The following DOCK2 variants were observed in gnomAD, a reference collection of about 807,000 sequenced individuals.
DOCK2 encodes the protein dedicator of cytokinesis protein 2.
A neutral mutation model predicts 248.9 loss-of-function variants in DOCK2; 87 were observed. The ratio of observed to expected loss-of-function variants is 0.35; its 90% CI spans 0.29 to 0.42. The LOEUF (loss-of-function observed/expected upper bound fraction) is 0.42. DOCK2 is among the 10% of genes least tolerant of loss of function. The pLI is 1.00. For missense variants in DOCK2, 1,747 were observed against 2,300.2 expected (o/e 0.76, Z 4.92); for synonymous variants, 805 against 821.6 (o/e 0.98, Z 0.35).
chr5:169,637,828 T>C (rs1489290076), intron 1 of DOCK2, among the ~76,000 whole-genome samples: 1 of 152,088 alleles, frequency 6.6e-6, no homozygotes, highest in Non-Finnish European at 1.5e-5. Context: ...TCCTCCTGGG[T>C]CAGATGACTC....
chr5:169,874,644 A>G (rs938051843), intron 27 of DOCK2, among the ~76,000 whole-genome samples: 3 of 152,068 alleles, frequency 2.0e-5, no homozygotes, highest in African/African-American at 7.2e-5. Flanking sequence ...GGCCCACCAG[A>G]GGGCCGTTCT....
rs1245081456 is a variant in DOCK2, at chr5:169,764,297, C to CT, written c.2554+2676dup. On this transcript the variant is annotated intron_variant, in intron 25 of 51. Transcript: ENST00000520908. The surrounding 1 kb of genome is among the most constrained non-coding windows in gnomAD (Gnocchi z 4.3). The stretch of plus-strand genomic sequence containing the variant: ...GACATTAAGCGGAGGGACCAGAAGG[C>CT]TTTTAAGCACTTTCTGGGATTTTGG... Among the ~76,000 whole-genome samples, 1 of 152,190 alleles carries CT rather than the reference C, an allele frequency of 6.6e-6. No individual in the cohort carries two copies. Among genetic ancestry groups the CT allele is most frequent in the Non-Finnish European group, 1.5e-5 (1 of 68,046 alleles).
At chr5:169,776,456 C>T (rs10053260) in intron 25 of DOCK2, among the ~76,000 whole-genome samples, 30,750 of 152,012 alleles carry the variant, frequency 0.2, 3,633 homozygotes, top group Admixed American at 0.26. Context: ...TGAGCCACCA[C>T]ACTTGGCCTG....
At chr5:169,983,031 C>T in intron 27 of DOCK2, 37 bp from the exon 28 acceptor site, 1 of 1,608,986 alleles carries the variant, frequency 6.2e-7, no homozygotes, top group Middle Eastern at 1.7e-4. Flanking sequence ...ATGGTCCTCT[C>T]TCAACTATTT....
In DOCK2 at chr5:170,041,797, G is replaced by A. The variant is rs113666547; in HGVS notation, c.3757-216G>A. Among the ~76,000 whole-genome samples the A allele has an allele frequency of 9.0e-3, 1,374 of 152,316 alleles. 5 individuals carry two copies. The highest frequency in any genetic ancestry group is 0.065 in the Middle Eastern group (19 of 294). On this transcript the variant is annotated intron_variant, in intron 37 of 51. Transcript: ENST00000520908. Reference sequence around the variant, plus strand: ...CTTGGGACATTAGTGCTGCCTGGAGGGCAACCTCCAAATATCCTGAGTACT... The same window carrying A: ...CTTGGGACATTAGTGCTGCCTGGAGAGCAACCTCCAAATATCCTGAGTACT...
At chr5:169,718,079 CAAAA>C (rs1561632488) in intron 21 of DOCK2, among the ~76,000 whole-genome samples, 3 of 151,778 alleles carry the variant, frequency 2.0e-5, no homozygotes, top group African/African-American at 7.3e-5. Context: ...CAAAACAAAA[CAAAA>C]CAAAAACAGC....
Position 169,727,327 on chromosome 5 carries a change from G to A in DOCK2, c.2267+8536G>A, listed in dbSNP as rs185509189. Among the ~76,000 whole-genome samples the A allele has an allele frequency of 3.3e-5, 5 of 152,244 alleles. No individual in the cohort carries two copies. The East Asian group carries it at 7.7e-4, about 24-fold the overall frequency. On this transcript the variant is annotated intron_variant, in intron 22 of 51. Transcript: ENST00000520908. ...AAAAGAGAAAATGAGGCTCAGAAAGGTACAGAAAGTGACTCCAGGTCACAC... is the reference window on the plus strand; with the variant it reads ...AAAAGAGAAAATGAGGCTCAGAAAGATACAGAAAGTGACTCCAGGTCACAC...
At chr5:169,753,691 C>A (rs958915755) in intron 23 of DOCK2, among the ~76,000 whole-genome samples, 123 of 152,214 alleles carry the variant, frequency 8.1e-4, no homozygotes, top group African/African-American at 2.9e-3. Context: ...CTCAGGGGAC[C>A]CCATAAAGTT....
intron 33 of DOCK2, among the ~76,000 whole-genome samples, chr5:170,020,212 C>G (rs1438818816): frequency 6.6e-6 from 1 of 152,148 alleles, no homozygotes; most frequent in Non-Finnish European, 1.5e-5. Flanking sequence ...GGCATTGCCT[C>G]TGTGGGTGTC....
intron 30 of DOCK2, among the ~76,000 whole-genome samples, chr5:170,006,422 C>T (rs576234318): frequency 6.6e-6 from 1 of 152,322 alleles, no homozygotes; most frequent in Non-Finnish European, 1.5e-5. Flanking sequence ...AAGTGATTCT[C>T]CTGCCTCAGT....
chr5:169,990,581 G>A (rs964263267), intron 29 of DOCK2, among the ~76,000 whole-genome samples: 2 of 152,146 alleles, frequency 1.3e-5, no homozygotes, highest in Admixed American at 1.3e-4. Context: ...TGATTCATTC[G>A]AACCTTTTGG....
intron 32 of DOCK2, among the ~76,000 whole-genome samples, chr5:170,016,697 G>C (rs952885242): frequency 6.6e-6 from 1 of 152,206 alleles, no homozygotes; most frequent in Non-Finnish European, 1.5e-5. Context: ...ATGCCCTCCA[G>C]TATTCTAAAG....
chr5:169,903,478 G>A (rs1774071545), intron 27 of DOCK2, among the ~76,000 whole-genome samples: 1 of 151,242 alleles, frequency 6.6e-6, no homozygotes, highest in South Asian at 2.1e-4. Context: ...GCCTCCTCAA[G>A]GGCAGGGTTG....
At chr5:169,906,863 G>C (rs1448015673) in intron 27 of DOCK2, among the ~76,000 whole-genome samples, 1 of 152,234 alleles carries the variant, frequency 6.6e-6, no homozygotes, top group Non-Finnish European at 1.5e-5. Flanking sequence ...AGCCGCCTCT[G>C]TCCTGCTGGA....
chr5:169,920,476 C>G (rs1344919270), intron 27 of DOCK2, among the ~76,000 whole-genome samples: 1 of 151,906 alleles, frequency 6.6e-6, no homozygotes, highest in Non-Finnish European at 1.5e-5. Flanking sequence ...CTTTTTGGCT[C>G]AACAGTTTGT....
At chr5:169,851,625 G>T (rs138647385) in intron 27 of DOCK2, among the ~76,000 whole-genome samples, 4 of 152,154 alleles carry the variant, frequency 2.6e-5, no homozygotes, top group Non-Finnish European at 4.4e-5. Context: ...TTTTCACACT[G>T]CTATAAAGAA....
At position 169,910,145 on chromosome 5, in the gene DOCK2, G is replaced by A. The variant is rs187033943; in HGVS notation, c.2799+69293G>A. 1.3e-3 allele frequency among the ~76,000 whole-genome samples: 194 copies of A among 152,222 alleles called. 3 individuals carry two copies. The highest frequency in any genetic ancestry group is 1.0e-3 in the Admixed American group (16 of 15,290). On this transcript the variant is annotated intron_variant, in intron 27 of 51. Coordinates refer to ENST00000520908, the MANE Select transcript of DOCK2 (RefSeq NM_004946.3). Reference sequence around the variant, plus strand: ...GAGCCATATGTTCCTGGCCCAGATGGCTCTCTCAGTTCTAGATGATTAGTA... The same window carrying A: ...GAGCCATATGTTCCTGGCCCAGATGACTCTCTCAGTTCTAGATGATTAGTA...
intron 25 of DOCK2, among the ~76,000 whole-genome samples, chr5:169,771,323 C>T (rs1284285162): frequency 6.6e-6 from 1 of 152,230 alleles, no homozygotes; most frequent in African/African-American, 2.4e-5. Context: ...CTCTGTCGCC[C>T]AGGCTGGTGG....
chr5:169,647,318 G>T (rs1241852870), intron 1 of DOCK2, among the ~76,000 whole-genome samples: 1 of 151,406 alleles, frequency 6.6e-6, no homozygotes, highest in Admixed American at 6.6e-5. Context: ...TGGGTAGATG[G>T]ATGATAGATG....
Sources: allele counts gnomAD v4.1 joint callset (sites outside exome capture counted in the v4.1 genomes callset), GRCh38; gene constraint gnomAD v4.1.1; non-coding constraint Gnocchi (gnomAD v3.1); transcripts MANE v1.5; gene names NCBI Gene and HGNC (gene_info 2026-07-23, HGNC 2026-07-21).